CASZ1: variants seen among roughly 807,000 people sequenced by gnomAD.
CASZ1 encodes the protein zinc finger protein castor homolog 1.
A neutral mutation model predicts 135.2 loss-of-function variants in CASZ1; 28 were observed. The ratio of observed to expected loss-of-function variants is 0.21; its 90% CI spans 0.15 to 0.28. The LOEUF is 0.28. Among genes scored for constraint, CASZ1 ranks in the 10% least tolerant of loss-of-function variants. The pLI, the probability that CASZ1 is intolerant of heterozygous loss-of-function variation, is 1.00. For synonymous variants in CASZ1, 1,068 were observed against 1,073.4 expected (o/e 0.99, Z 0.10); for missense variants, 2,161 against 2,453.3 (o/e 0.88, Z 2.52).
chr1:10,649,322 T>C lies in CASZ1; in HGVS notation c.2996A>G (p.Gln999Arg). 1 of 1,596,726 alleles carries C rather than the reference T, an allele frequency of 6.3e-7. No homozygotes were observed. The highest frequency in any genetic ancestry group is 2.3e-5 in the East Asian group (1 of 44,066). Reference protein sequence around the residue: ...FLGKAVKALVQEKLAEPWKVY... With the variant: ...FLGKAVKALVREKLAEPWKVY... ...CTTCCAGGGCTCTGCCAACTTCTCC[T>C]GAACCAGCGCCTTCACGGCCTTGCC... The change falls in exon 14 of 21, where the codon CAG becomes CGG. Residue 999 changes from glutamine to arginine, a missense_variant. Coordinates refer to ENST00000377022, the MANE Select transcript of CASZ1 (RefSeq NM_001079843.3).
In CASZ1 at chr1:10,685,865, C is replaced by T. The variant is rs553869686; in HGVS notation, c.16+8009G>A. 7.9e-5 allele frequency among the ~76,000 whole-genome samples: 12 copies of T among 152,340 alleles called. No homozygotes were observed. The South Asian group carries it at 8.3e-4, about 11-fold the overall frequency. On this transcript the variant is annotated intron_variant, in intron 4 of 20. Coordinates refer to ENST00000377022, the MANE Select transcript of CASZ1 (RefSeq NM_001079843.3). ...GCTCCTGGGAAGGACAGGGAGGGGA[C>T]GCTGGGAGAGAGGCACGTGCCCCTG...
At chr1:10,731,868 T>C (rs1332283275) in intron 2 of CASZ1, among the ~76,000 whole-genome samples, 4 of 152,222 alleles carry the variant, frequency 2.6e-5, no homozygotes, top group Non-Finnish European at 4.4e-5. Context: ...ACTCCACTCT[T>C]CTCACTAAAA....
At chr1:10,751,049 T>C (rs895530283) in intron 2 of CASZ1, among the ~76,000 whole-genome samples, 1 of 151,756 alleles carries the variant, frequency 6.6e-6, no homozygotes, top group Non-Finnish European at 1.5e-5. Context: ...CTGTGCATGC[T>C]GGCTGCGATT....
intron 2 of CASZ1, among the ~76,000 whole-genome samples, chr1:10,729,678 C>T (rs1639668292): frequency 6.6e-6 from 1 of 152,230 alleles, no homozygotes; most frequent in African/African-American, 2.4e-5. Flanking sequence ...AACGTGGGGA[C>T]ATTACGCTGA....
At chr1:10,656,613 G>C (rs753400105) in intron 8 of CASZ1, 33 bp downstream of exon 8, 3 of 1,503,398 alleles carry the variant, frequency 2.0e-6, no homozygotes, top group Non-Finnish European at 2.7e-6. Context: ...TGCTGGTGGC[G>C]GAGAGGCGGA....
At chr1:10,662,336 A>G (rs1643069775) in intron 5 of CASZ1, among the ~76,000 whole-genome samples, 1 of 151,132 alleles carries the variant, frequency 6.6e-6, no homozygotes. Flanking sequence ...ACACAGTCAC[A>G]TGCTCACAAT....
intron 1 of CASZ1, among the ~76,000 whole-genome samples, chr1:10,778,192 G>T (rs1640695666): frequency 6.7e-6 from 1 of 149,788 alleles, no homozygotes; most frequent in Non-Finnish European, 1.5e-5. Flanking sequence ...CACACAATCA[G>T]ACACACTCTC....
intron 11 of CASZ1, chr1:10,653,082 G>T (rs1157748566): frequency 4.4e-6 from 2 of 457,904 alleles, no homozygotes; most frequent in Non-Finnish European, 8.1e-6. Context: ...AGGGAGGGGG[G>T]ACCTGCAGTG....
At chr1:10,780,804 G>A (rs1438892524) in intron 1 of CASZ1, among the ~76,000 whole-genome samples, 2 of 152,166 alleles carry the variant, frequency 1.3e-5, no homozygotes, top group Non-Finnish European at 2.9e-5. Flanking sequence ...AGTGAACTCA[G>A]GTAAGTGACT....
rs1243366417 is a variant in CASZ1 at position 10,796,615 on chromosome 1, T to C, written c.-285A>G. 1.3e-5 allele frequency: 2 copies of C among 152,244 alleles called. No homozygotes were observed. The highest frequency in any genetic ancestry group is 4.8e-5 in the African/African-American group (2 of 41,452). 9.4% of individuals were successfully genotyped at this position (152,244 alleles called of 1,614,324 possible). ...TTTCCAAGTCCGGGGGAAAAATGTG[T>C]GTGTGTTTGGGATGGAGCGCCGCGG... On this transcript the variant is annotated 5_prime_UTR_variant, in exon 1 of 21. Transcript: ENST00000377022.
intron 4 of CASZ1, among the ~76,000 whole-genome samples, chr1:10,672,103 G>A (rs932381291): frequency 1.4e-4 from 21 of 152,248 alleles, no homozygotes; most frequent in South Asian, 6.2e-4. Flanking sequence ...CTGCTTGCCC[G>A]AGAGGCCTCC....
At chr1:10,734,878 T>G (rs766874879) in intron 2 of CASZ1, among the ~76,000 whole-genome samples, 9 of 151,960 alleles carry the variant, frequency 5.9e-5, no homozygotes, top group Non-Finnish European at 8.8e-5. Flanking sequence ...GGAGCATGCA[T>G]CTAGGGGTCA....
chr1:10,642,856 C>T lies in CASZ1; in HGVS notation c.4162+3G>A, dbSNP rs1390913568. Reference sequence around the variant, plus strand: ...CTGCCAGCAGCCCCTGCCTGCCGCTCACCTGCCGCGGTGCTCTCGTTACCC... The same window carrying T: ...CTGCCAGCAGCCCCTGCCTGCCGCTTACCTGCCGCGGTGCTCTCGTTACCC... On this transcript the variant is annotated splice_donor_region_variant and intron_variant, in intron 20 of 20. Coordinates refer to ENST00000377022, the MANE Select transcript of CASZ1 (RefSeq NM_001079843.3). 3 of 1,611,648 alleles carry T rather than the reference C, an allele frequency of 1.9e-6. No homozygotes were observed. The highest frequency in any genetic ancestry group is 2.2e-5 in the East Asian group (1 of 44,866).
chr1:10,723,346 G>C (rs1049239997), intron 2 of CASZ1, among the ~76,000 whole-genome samples: 2 of 152,110 alleles, frequency 1.3e-5, no homozygotes, highest in African/African-American at 4.8e-5. Flanking sequence ...CACAGATACA[G>C]CCTCCTAGGG....
At chr1:10,669,409 C>T (rs1433328922) in intron 4 of CASZ1, among the ~76,000 whole-genome samples, 1 of 152,238 alleles carries the variant, frequency 6.6e-6, no homozygotes, top group Non-Finnish European at 1.5e-5. Context: ...TAAAATGGTG[C>T]AGCAGATTGC....
Position 10,709,637 on chromosome 1 carries a change from GGAGA to G in CASZ1, c.-76-4097_-76-4094del, listed in dbSNP as rs1213474338. ...GCGGGAGAGGGGGAGAGAGAGAGAG[GGAGA>G]GAGAGAAAGAGAGGAGAAAAGAAAG... On this transcript the variant is annotated intron_variant, in intron 2 of 20. Transcript: ENST00000377022. The surrounding 1 kb of genome is among the most constrained non-coding windows in gnomAD (Gnocchi z 5.1). Among the ~76,000 whole-genome samples, 5 of 151,870 alleles carry G rather than the reference GGAGA, an allele frequency of 3.3e-5. No homozygotes were observed. The East Asian group carries it at 7.7e-4, about 24-fold the overall frequency.
rs755686670 is a variant in CASZ1, at chr1:10,659,997, G to C, written c.1045C>G (p.Leu349Val). Residue 349 changes from leucine (L) to valine (V), a missense_variant, in exon 6 of 21, where the codon CTC becomes GTC. Transcript: ENST00000377022. Reference protein sequence around the residue: ...YDLENVKYLHLFKPGEGSPDM... With the variant: ...YDLENVKYLHVFKPGEGSPDM... ...GGGCTGCCCTCCCCGGGTTTGAAGA[G>C]GTGCAGGTACTTGACATTCTCCAGG... 9 of 1,613,856 alleles carry C rather than the reference G, an allele frequency of 5.6e-6. No individual in the cohort carries two copies. In the South Asian group the frequency reaches 7.7e-5, roughly 14 times the overall value.
intron 1 of CASZ1, among the ~76,000 whole-genome samples, chr1:10,793,376 C>T (rs1200884431): frequency 6.6e-6 from 1 of 152,058 alleles, no homozygotes; most frequent in East Asian, 1.9e-4. Context: ...CTGGGCTCCT[C>T]TCCTTCGTAA....
intron 20 of CASZ1, among the ~76,000 whole-genome samples, chr1:10,641,719 C>T (rs780563404): frequency 2.6e-5 from 4 of 152,298 alleles, no homozygotes; most frequent in South Asian, 2.1e-4. Flanking sequence ...TGCCCCAGGC[C>T]GAGGAAGGCA....
Sources: gnomAD v4.1 joint callset for allele counts (sites outside exome capture counted in the v4.1 genomes callset) on GRCh38, gnomAD v4.1.1 for gene constraint, Gnocchi (gnomAD v3.1) non-coding constraint, MANE v1.5 for transcripts, NCBI Gene and HGNC (gene_info 2026-07-23, HGNC 2026-07-21) for gene names.